The following ANKMY2 variants were observed in gnomAD, a reference collection of about 807,000 sequenced individuals.
ANKMY2 encodes the protein ankyrin repeat and MYND domain-containing protein 2.
ANKMY2 carries 36 observed loss-of-function variants against 50.4 expected under a neutral mutation model. That is an observed-to-expected ratio of 0.71 (90% CI 0.55 to 0.94). The LOEUF is 0.94. ANKMY2 is among the 40% of genes least tolerant of loss of function. The probability of loss-of-function intolerance (pLI) is 0.00; values close to 1 mark genes in which losing one functional copy is unlikely to be tolerated. For missense variants in ANKMY2, 565 were observed against 524.0 expected (o/e 1.08, Z -0.76); for synonymous variants, 187 against 178.8 (o/e 1.05, Z -0.36).
In ANKMY2 at chr7:16,623,000, C is replaced by A. The variant is rs1013825191; in HGVS notation, c.370+1983G>T. Among the ~76,000 whole-genome samples, 8 of 152,092 alleles carry A rather than the reference C, an allele frequency of 5.3e-5. No homozygotes were observed. In the South Asian group the frequency reaches 1.7e-3, roughly 31 times the overall value. On this transcript the variant is annotated intron_variant, in intron 4 of 9. Coordinates refer to ENST00000306999, the MANE Select transcript of ANKMY2 (RefSeq NM_020319.3). ...TAACTGAACTGTGGAACATCTATAT[C>A]ATGGAGTATCATATAGCTGTTGAAG...
chr7:16,607,664 CCTG>C (rs1443190399), intron 7 of ANKMY2, among the ~76,000 whole-genome samples: 3 of 137,198 alleles, frequency 2.2e-5, no homozygotes, highest in East Asian at 4.4e-4. Flanking sequence ...ACAATATTGA[CCTG>C]CTTTTTTTTT....
At chr7:16,623,162 C>T (rs534759820) in intron 4 of ANKMY2, among the ~76,000 whole-genome samples, 24 of 152,044 alleles carry the variant, frequency 1.6e-4, no homozygotes, top group Middle Eastern at 3.4e-3. Context: ...TATGTATGTA[C>T]GCATGTATAC....
Position 16,615,046 on chromosome 7 carries a change from AT to A in ANKMY2, c.531+697del, listed in dbSNP as rs536518975. On this transcript the variant is annotated intron_variant, in intron 5 of 9. Transcript: ENST00000306999. The stretch of plus-strand genomic sequence containing the variant: ...GACAATAGCAGTGAAATATTTCAGA[AT>A]AGCTCTTGAAGTTTCCCAGTTAAGC... Among the ~76,000 whole-genome samples, 6 of 152,356 alleles carry A rather than the reference AT, an allele frequency of 3.9e-5. No individual in the cohort carries two copies. In the East Asian group the frequency reaches 1.2e-3, roughly 29 times the overall value.
At chr7:16,619,370 T>C (rs1583675440) in intron 4 of ANKMY2, among the ~76,000 whole-genome samples, 1 of 152,180 alleles carries the variant, frequency 6.6e-6, no homozygotes, top group South Asian at 2.1e-4. Flanking sequence ...ATCAGGCTGG[T>C]CTCGAACTCC....
intron 1 of ANKMY2, among the ~76,000 whole-genome samples, chr7:16,642,736 C>A (rs1202656874): frequency 6.6e-6 from 1 of 151,748 alleles, no homozygotes. Context: ...GGCCTTTCTT[C>A]AACTATAAAA....
intron 4 of ANKMY2, among the ~76,000 whole-genome samples, chr7:16,622,750 G>GAATAAATA (rs146183196): frequency 1.1e-3 from 148 of 133,614 alleles, no homozygotes; most frequent in African/African-American, 3.7e-3. Context: ...AAAAATAAAT[G>GAATAAATA]AATAAATAAA....
chr7:16,608,827 C>A (rs1164891005), intron 7 of ANKMY2, among the ~76,000 whole-genome samples: 1 of 152,032 alleles, frequency 6.6e-6, no homozygotes, highest in Non-Finnish European at 1.5e-5. Context: ...ATGGTGAAAT[C>A]CCATCTCTAC....
rs542019959 is a variant in ANKMY2, at chr7:16,621,181, C to T, written c.370+3802G>A. ...ATTATCCATAACCAGCTGGAAGTGA[C>T]TGAGTGTGGAGGTGGTAGTGCAAAT... On this transcript the variant is annotated intron_variant, in intron 4 of 9. Transcript: ENST00000306999. 9.9e-5 allele frequency among the ~76,000 whole-genome samples: 15 copies of T among 152,208 alleles called. No homozygotes were observed. In the South Asian group the frequency reaches 2.7e-3, roughly 27 times the overall value.
At chr7:16,644,781 C>T in intron 1 of ANKMY2, 1 of 467,180 alleles carries the variant, frequency 2.1e-6, no homozygotes, top group Non-Finnish European at 4.4e-6. Context: ...GGGCTCCCCG[C>T]TGGGACTCAG....
rs981143141 is a variant in ANKMY2 at position 16,636,275 on chromosome 7, C to T, written c.132+116G>A. 40 of 680,172 alleles carry T rather than the reference C, an allele frequency of 5.9e-5. No individual in the cohort carries two copies. The African/African-American group carries it at 7.9e-4, about 13-fold the overall frequency. The allele number at this position is 680,172 out of a possible 1,614,324, so 42.1% of individuals were successfully genotyped here. A position where few individuals can be genotyped will look rare whatever the true frequency, so the allele number is the denominator to read the frequency against. On this transcript the variant is annotated intron_variant, in intron 2 of 9. Transcript: ENST00000306999. Reference sequence around the variant, plus strand: ...CCAAAATTGTGCCACTGCATTCCAGCCTGGGCGAAAGAGCAACACTCCATC... The same window carrying T: ...CCAAAATTGTGCCACTGCATTCCAGTCTGGGCGAAAGAGCAACACTCCATC...
intron 7 of ANKMY2, 140 bp downstream of exon 7, chr7:16,609,490 G>T: frequency 1.0e-6 from 1 of 963,830 alleles, no homozygotes; most frequent in Non-Finnish European, 1.4e-6. Flanking sequence ...AGGTTTGGCA[G>T]GCAAACCTAT....
At chr7:16,640,378 G>A (rs558529084) in intron 1 of ANKMY2, among the ~76,000 whole-genome samples, 3 of 152,066 alleles carry the variant, frequency 2.0e-5, no homozygotes, top group Non-Finnish European at 4.4e-5. Context: ...CTAATATCTA[G>A]ATCGGGAACA....
chr7:16,602,983 G>C (rs945090564), intron 8 of ANKMY2, among the ~76,000 whole-genome samples: 1 of 152,178 alleles, frequency 6.6e-6, no homozygotes, highest in East Asian at 1.9e-4. Context: ...TCAGAACCGT[G>C]AGCCCATTAA....
intron 7 of ANKMY2, among the ~76,000 whole-genome samples, chr7:16,606,441 A>AT (rs370817515): frequency 6.6e-6 from 1 of 151,346 alleles, no homozygotes; most frequent in African/African-American, 2.4e-5. Context: ...AAAAAAAAAA[A>AT]ATTATAAGGG....
chr7:16,639,236 T>C (rs1781713765), intron 1 of ANKMY2, among the ~76,000 whole-genome samples: 1 of 152,218 alleles, frequency 6.6e-6, no homozygotes, highest in African/African-American at 2.4e-5. Flanking sequence ...CTGTCCATAG[T>C]AGACTTAAAT....
At chr7:16,644,696 C>T (rs1371671508) in intron 1 of ANKMY2, 2 of 471,022 alleles carry the variant, frequency 4.2e-6, no homozygotes, top group African/African-American at 4.0e-5. Context: ...TGCCAGGTAA[C>T]GGGACTCGGC....
At chr7:16,644,074 G>T (rs531636285) in intron 1 of ANKMY2, among the ~76,000 whole-genome samples, 3 of 152,238 alleles carry the variant, frequency 2.0e-5, no homozygotes, top group Admixed American at 1.3e-4. Flanking sequence ...CTGCCTAAAA[G>T]AATTTTTGTC....
chr7:16,629,766 G>A (rs1781555696), intron 2 of ANKMY2, among the ~76,000 whole-genome samples: 1 of 152,072 alleles, frequency 6.6e-6, no homozygotes. Context: ...GTACAATTTT[G>A]TGTTATAAGA....
intron 9 of ANKMY2, among the ~76,000 whole-genome samples, chr7:16,601,970 A>T (rs1781074289): frequency 6.6e-6 from 1 of 152,222 alleles, no homozygotes; most frequent in Admixed American, 6.5e-5. Context: ...GTAGTTCTGA[A>T]ATTTAATTAA....
Sources: allele counts gnomAD v4.1 joint callset (sites outside exome capture counted in the v4.1 genomes callset), GRCh38; gene constraint gnomAD v4.1.1; transcripts MANE v1.5; gene names NCBI Gene and HGNC (gene_info 2026-07-23, HGNC 2026-07-21).